Variants in RPL35A observed in about 807,000 individuals in gnomAD.
RPL35A encodes ribosomal protein L35a.
A neutral mutation model predicts 16.7 loss-of-function variants in RPL35A; 1 was observed. The observed-to-expected ratio is 0.06, with a 90% CI of 0.02 to 0.28. The LOEUF (loss-of-function observed/expected upper bound fraction) is 0.28, where lower values mean the gene tolerates loss of function less well. RPL35A is among the 10% of genes least tolerant of loss of function. The pLI, the probability that RPL35A is intolerant of heterozygous loss-of-function variation, is 1.00. For missense variants in RPL35A, 91 were observed against 138.7 expected, an observed-to-expected ratio of 0.66 and a Z score of 1.73; for synonymous variants, 58 against 47.0, an observed-to-expected ratio of 1.23 and a Z score of -0.96.
intron 3 of RPL35A, chr3:197,953,490 G>A (rs1195037536): frequency 4.4e-6 from 2 of 456,868 alleles, no homozygotes; most frequent in Non-Finnish European, 4.4e-6. Flanking sequence ...TATCTCAGCT[G>A]GGATTAACCC....
chr3:197,951,080 A>G, intron 2 of RPL35A, 79 bp from the exon 3 acceptor site: 1 of 1,605,440 alleles, frequency 6.2e-7, no homozygotes, highest in Admixed American at 1.7e-5. Context: ...GCTCTGAGTA[A>G]CTTTTGGGTG....
intron 3 of RPL35A, among the ~76,000 whole-genome samples, chr3:197,951,839 A>G (rs1396555312): frequency 6.6e-6 from 1 of 151,908 alleles, no homozygotes; most frequent in Non-Finnish European, 1.5e-5. Context: ...CTGGGCTTAC[A>G]GGGGTGTGCC....
intron 4 of RPL35A, chr3:197,954,367 T>C (rs1292547049): frequency 3.4e-6 from 2 of 587,512 alleles, no homozygotes; most frequent in Admixed American, 5.6e-5. Context: ...AGGGTCTCAC[T>C]TTGTCACCCA....
intron 1 of RPL35A, chr3:197,950,605 G>T: frequency 2.5e-6 from 1 of 394,154 alleles, no homozygotes; most frequent in South Asian, 3.4e-5. Context: ...TCTTACGTGT[G>T]TGTTTCTCTT....
chr3:197,950,720 T>A, intron 1 of RPL35A: 1 of 587,236 alleles, frequency 1.7e-6, no homozygotes, highest in Non-Finnish European at 3.0e-6. Context: ...TAGTTTTGTC[T>A]TCATTCTGAA....
At position 197,950,234 on chromosome 3, in the gene RPL35A, T is replaced by G. The variant is rs1051080204; in HGVS notation, c.-33+13T>G. 2 of 1,231,000 alleles carry G rather than the reference T, an allele frequency of 1.6e-6. No individual in the cohort carries two copies. The highest frequency in any genetic ancestry group is 2.0e-6 in the Non-Finnish European group (2 of 987,804). 76.3% of individuals were successfully genotyped at this position (1,231,000 alleles called of 1,614,324 possible). A position where few individuals can be genotyped will look rare whatever the true frequency, so the allele number is the denominator to read the frequency against. On this transcript the variant is annotated intron_variant, in intron 1 of 4. Coordinates refer to ENST00000647248, the MANE Select transcript of RPL35A (RefSeq NM_000996.4). The stretch of plus-strand genomic sequence containing the variant: ...GGCTCCTGTGGAGGTGAGTGAAGGG[T>G]CTGCTGCTGAAATTTGGGGGCAAAT...
intron 1 of RPL35A, 193 bp from the exon 2 acceptor site, chr3:197,950,743 A>T: frequency 1.7e-6 from 1 of 605,434 alleles, no homozygotes; most frequent in Non-Finnish European, 2.9e-6. Flanking sequence ...TTGCTTAGAT[A>T]CCAGCTGTTC....
At chr3:197,954,475 A>G in intron 4 of RPL35A, 3 of 386,004 alleles carry the variant, frequency 7.8e-6, no homozygotes, top group Non-Finnish European at 1.5e-5. Context: ...CTGGGACCAT[A>G]GGCGTGTGCC....
Position 197,955,910 on chromosome 3 carries a change from G to T in RPL35A, c.*137G>T. 2.7e-6 allele frequency: 2 copies of T among 741,306 alleles called. No homozygotes were observed. The highest frequency in any genetic ancestry group is 2.0e-5 in the Admixed American group (1 of 49,700). The allele number at this position is 741,306 out of a possible 1,614,324, so 45.9% of individuals were successfully genotyped here. The stretch of plus-strand genomic sequence containing the variant: ...GCTCAGCATTTTTGGAGTACAAGGG[G>T]GTCAGAGAGACATGTGATGAAAATT... On this transcript the variant is annotated 3_prime_UTR_variant, in exon 5 of 5. Coordinates refer to ENST00000647248, the MANE Select transcript of RPL35A (RefSeq NM_000996.4).
rs903707086 is a variant in RPL35A at position 197,956,342 on chromosome 3, A to C, written c.*569A>C. 1 of 157,642 alleles carries C rather than the reference A, an allele frequency of 6.3e-6. No homozygotes were observed. The highest frequency in any genetic ancestry group is 1.4e-5 in the Non-Finnish European group (1 of 71,144). The allele number at this position is 157,642 out of a possible 1,614,324, so 9.8% of individuals were successfully genotyped here. On this transcript the variant is annotated 3_prime_UTR_variant, in exon 5 of 5. Coordinates refer to ENST00000647248, the MANE Select transcript of RPL35A (RefSeq NM_000996.4). ...TTATGTTGATGGGCTTTGGCAGTTC[A>C]TTTGGATAGACTGGGATGAGAAGCT...
chr3:197,953,704 CT>C (rs377619027), intron 3 of RPL35A: 352 of 462,216 alleles, frequency 7.6e-4, no homozygotes, highest in African/African-American at 5.7e-3. Context: ...CACACTTGTC[CT>C]TTTTTGCTAT....
chr3:197,954,205 T>C, intron 4 of RPL35A, 58 bp downstream of exon 4: 2 of 1,591,730 alleles, frequency 1.3e-6, no homozygotes, highest in Non-Finnish European at 1.7e-6. Flanking sequence ...TTCAAGGTGT[T>C]GTGCTTTGAC....
chr3:197,953,627 C>T, intron 3 of RPL35A: 1 of 455,936 alleles, frequency 2.2e-6, no homozygotes, highest in Admixed American at 2.4e-5. Flanking sequence ...ATGGTCACCT[C>T]AGTGAGACCT....
At chr3:197,954,280 C>T in intron 4 of RPL35A, 133 bp downstream of exon 4, 1 of 866,736 alleles carries the variant, frequency 1.2e-6, no homozygotes, top group Non-Finnish European at 1.9e-6. Flanking sequence ...TTGTGTATTG[C>T]AGAACACTGG....
rs2109819351 is a variant in RPL35A at position 197,955,883 on chromosome 3, T to A, written c.*110T>A. The A allele has an allele frequency of 3.2e-6, 3 of 951,924 alleles. No individual in the cohort carries two copies. The highest frequency in any genetic ancestry group is 5.1e-6 in the Non-Finnish European group (3 of 589,878). 59.0% of individuals were successfully genotyped at this position (951,924 alleles called of 1,614,324 possible). On this transcript the variant is annotated 3_prime_UTR_variant, in exon 5 of 5. Transcript: ENST00000647248. ...TGCTACATGCTTAAAATGATAGAGG[T>A]TGCTCAGCATTTTTGGAGTACAAGG... is the stretch of plus-strand genomic sequence containing the variant.
chr3:197,950,922 T>C lies in RPL35A; in HGVS notation c.-32-14T>C. 6.2e-7 allele frequency: 1 copy of C among 1,613,718 alleles called. No individual in the cohort carries two copies. The highest frequency in any genetic ancestry group is 8.5e-7 in the Non-Finnish European group (1 of 1,179,646). ...GTGGCTTGGTTTTAAACTAATCTTT[T>C]TGTTTGTTTTAAGGCCTGCTGGGAA... On this transcript the variant is annotated splice_polypyrimidine_tract_variant and intron_variant, in intron 1 of 4. Transcript: ENST00000647248.
At chr3:197,954,897 T>A (rs1179363286) in intron 4 of RPL35A, among the ~76,000 whole-genome samples, 1 of 152,200 alleles carries the variant, frequency 6.6e-6, no homozygotes. Context: ...CTGGCATAAT[T>A]GTTAATATTT....
rs1262249296 is a variant in RPL35A at position 197,955,161 on chromosome 3, TACTGTTGAACCCTGCTAAGTGGTTC to T, written c.310-587_310-563del. On this transcript the variant is annotated intron_variant, in intron 4 of 4. Coordinates refer to ENST00000647248, the MANE Select transcript of RPL35A (RefSeq NM_000996.4). ...ACCATGTATTCTTGGGGCCAGGGGG[TACTGTTGAACCCTGCTAAGTGGTTC>T]ATTAGGGTTTATCAACAGAGGAGGC... Among the ~76,000 whole-genome samples, 5 of 152,260 alleles carry T rather than the reference TACTGTTGAACCCTGCTAAGTGGTTC, an allele frequency of 3.3e-5. No individual in the cohort carries two copies. In the East Asian group the frequency reaches 9.7e-4, roughly 29 times the overall value.
intron 4 of RPL35A, among the ~76,000 whole-genome samples, chr3:197,954,670 C>T (rs1720391881): frequency 6.6e-6 from 1 of 152,104 alleles, no homozygotes; most frequent in Admixed American, 6.6e-5. Flanking sequence ...TACCACCATG[C>T]CCAGATAATT....
Sources: allele counts gnomAD v4.1 joint callset (sites outside exome capture counted in the v4.1 genomes callset), GRCh38; gene constraint gnomAD v4.1.1; transcripts MANE v1.5; gene names NCBI Gene and HGNC (gene_info 2026-07-23, HGNC 2026-07-21).